KANK1: variants seen among roughly 807,000 people sequenced by gnomAD.
KANK1 encodes KN motif and ankyrin repeat domain-containing protein 1.
KANK1 carries 109 observed loss-of-function variants against 106.2 expected under a neutral mutation model. The ratio of observed to expected loss-of-function variants is 1.03; its 90% CI spans 0.88 to 1.20. The LOEUF (loss-of-function observed/expected upper bound fraction) is 1.20, where lower values mean the gene tolerates loss of function less well. Ranked by LOEUF, KANK1 falls within the 50% of genes most tolerant of loss-of-function variation. The pLI is 0.00. For missense variants in KANK1, 2,399 were observed against 1,710.7 expected, an observed-to-expected ratio of 1.40 and a Z score of -7.10; for synonymous variants, 873 against 652.2, an observed-to-expected ratio of 1.34 and a Z score of -5.16.
At chr9:481,497 GA>G (rs1445890015) in intron 3 of KANK1, among the ~76,000 whole-genome samples, 4 of 152,184 alleles carry the variant, frequency 2.6e-5, no homozygotes, top group African/African-American at 9.6e-5. Context: ...TCTGTGGTAG[GA>G]GAAAGTGGAG....
intron 3 of KANK1, among the ~76,000 whole-genome samples, chr9:493,671 CCA>C (rs1349158395): frequency 1.3e-5 from 2 of 151,036 alleles, no homozygotes; most frequent in African/African-American, 2.4e-5. Context: ...CCTCAGCCTC[CCA>C]TGTAGCTGGG....
intron 1 of KANK1, among the ~76,000 whole-genome samples, chr9:626,121 C>A (rs1044274643): frequency 6.6e-6 from 1 of 152,090 alleles, no homozygotes; most frequent in African/African-American, 2.4e-5. Context: ...TCTAGGATTA[C>A]TGAAGAAATG....
Position 648,711 on chromosome 9 carries a change from T to C in KANK1, c.-83-28179T>C, listed in dbSNP as rs74326761. On this transcript the variant is annotated intron_variant, in intron 1 of 11. Coordinates refer to ENST00000382297, the MANE Select transcript of KANK1 (RefSeq NM_015158.5). ...TCACGTCTTTGAGCTTCAATTTCTT[T>C]ATCTGTTGCGGGGGAGAGTATCTCA... Among the ~76,000 whole-genome samples, 173 of 152,276 alleles carry C rather than the reference T, an allele frequency of 1.1e-3. 4 individuals are homozygous for C. In the East Asian group the frequency reaches 0.027, roughly 24 times the overall value.
chr9:613,067 T>C (rs943488189), intron 1 of KANK1, among the ~76,000 whole-genome samples: 2 of 152,040 alleles, frequency 1.3e-5, no homozygotes, highest in African/African-American at 4.8e-5. Context: ...AAGGAAGATA[T>C]CAAGAGGAGG....
At chr9:576,002 A>C (rs1216866474) in intron 1 of KANK1, among the ~76,000 whole-genome samples, 1 of 152,250 alleles carries the variant, frequency 6.6e-6, no homozygotes, top group East Asian at 1.9e-4. Context: ...CAGCGTAGGC[A>C]ACAGAGTGCA....
Position 588,185 on chromosome 9 carries a change from T to A in KANK1, c.-84+83431T>A, listed in dbSNP as rs552503843. On this transcript the variant is annotated intron_variant, in intron 1 of 11. Transcript: ENST00000382297. ...CCAAAGCCCATATCAGTGGGCTTTT[T>A]TACATACTTCTTTTCCTTAATAAAA... Among the ~76,000 whole-genome samples the A allele has an allele frequency of 4.8e-3, 725 of 152,342 alleles. 10 individuals carry two copies. The highest frequency in any genetic ancestry group is 0.016 in the African/African-American group (683 of 41,578).
chr9:536,923 G>T (rs1344536264), intron 1 of KANK1, among the ~76,000 whole-genome samples: 2 of 152,118 alleles, frequency 1.3e-5, no homozygotes, highest in Non-Finnish European at 2.9e-5. Context: ...TTTATTCAGG[G>T]TGCATCTGTT....
Position 738,524 on chromosome 9 carries a change from A to G in KANK1, c.3553+20A>G, listed in dbSNP as rs182242562. 127 of 1,586,908 alleles carry G rather than the reference A, an allele frequency of 8.0e-5. 1 individual carries two copies. The highest frequency in any genetic ancestry group is 1.0e-4 in the Non-Finnish European group (121 of 1,155,616). ...ATGCCGGTATGTTGGCTGCCCTTCCACCCTCTCTTCTCTAACAGTACTTGG... is the reference window on the plus strand; with the variant it reads ...ATGCCGGTATGTTGGCTGCCCTTCCGCCCTCTCTTCTCTAACAGTACTTGG... On this transcript the variant is annotated intron_variant, in intron 8 of 11. Coordinates refer to ENST00000382297, the MANE Select transcript of KANK1 (RefSeq NM_015158.5).
At chr9:742,671 C>T (rs1015865286) in intron 10 of KANK1, among the ~76,000 whole-genome samples, 8 of 152,214 alleles carry the variant, frequency 5.3e-5, no homozygotes, top group African/African-American at 1.9e-4. Context: ...ATTTAACGGG[C>T]ATGTCCAAGA....
intron 1 of KANK1, among the ~76,000 whole-genome samples, chr9:520,293 C>G (rs901837339): frequency 6.6e-6 from 1 of 151,738 alleles, no homozygotes; most frequent in African/African-American, 2.4e-5. Flanking sequence ...GAGCTGTGAT[C>G]ATACCACTGC....
upstream of KANK1, among the ~76,000 whole-genome samples, chr9:502,713 A>G (rs1309574932): frequency 6.6e-6 from 1 of 152,084 alleles, no homozygotes; most frequent in African/African-American, 2.4e-5. Context: ...TTTAGTAGAC[A>G]TGGGGTTTCA....
At chr9:647,718 C>G (rs1255714876) in intron 1 of KANK1, among the ~76,000 whole-genome samples, 4 of 150,878 alleles carry the variant, frequency 2.7e-5, no homozygotes. Flanking sequence ...CTATTTTTTA[C>G]TTGTTAACTC....
At chr9:652,924 G>A (rs1460958311) in intron 1 of KANK1, among the ~76,000 whole-genome samples, 1 of 152,202 alleles carries the variant, frequency 6.6e-6, no homozygotes, top group African/African-American at 2.4e-5. Context: ...AGTTAGAGGA[G>A]AACACAGAGC....
At chr9:620,397 T>C (rs1226998830) in intron 1 of KANK1, among the ~76,000 whole-genome samples, 2 of 152,048 alleles carry the variant, frequency 1.3e-5, no homozygotes, top group African/African-American at 4.8e-5. Context: ...AAAATAGTGA[T>C]AATTATAATT....
chr9:706,530 T>C (rs1824203398), intron 2 of KANK1, among the ~76,000 whole-genome samples: 1 of 137,808 alleles, frequency 7.3e-6, no homozygotes, highest in African/African-American at 2.7e-5. Flanking sequence ...AGGATCTGAG[T>C]GCCCTTTTTT....
intron 3 of KANK1, among the ~76,000 whole-genome samples, chr9:713,667 G>C (rs1353168949): frequency 6.6e-6 from 1 of 152,190 alleles, no homozygotes; most frequent in East Asian, 1.9e-4. Flanking sequence ...AGCCTCACTG[G>C]CCTCTGGCTG....
At chr9:670,647 G>A (rs763125122) in intron 1 of KANK1, among the ~76,000 whole-genome samples, 1 of 152,106 alleles carries the variant, frequency 6.6e-6, no homozygotes, top group Non-Finnish European at 1.5e-5. Context: ...GTCTCCTTTG[G>A]TTGAGTTACA....
intron 2 of KANK1, chr9:686,764 G>T (rs1818685037): frequency 1.0e-6 from 1 of 985,368 alleles, no homozygotes; most frequent in Non-Finnish European, 1.2e-6. Flanking sequence ...TAAGGGATCT[G>T]AGTGGGCCCA....
At chr9:508,551 T>TTGATACACA (rs1258732247) in intron 1 of KANK1, among the ~76,000 whole-genome samples, 1 of 146,322 alleles carries the variant, frequency 6.8e-6, no homozygotes, top group African/African-American at 2.8e-5. Flanking sequence ...GAAGTGCCCC[T>TTGATACACA]ATACTCTTGT....
Sources: gnomAD v4.1 joint callset for allele counts (sites outside exome capture counted in the v4.1 genomes callset) on GRCh38, gnomAD v4.1.1 for gene constraint, MANE v1.5 for transcripts, NCBI Gene and HGNC (gene_info 2026-07-23, HGNC 2026-07-21) for gene names.